The following SPOCK1 variants were observed in gnomAD, a reference collection of about 807,000 sequenced individuals.
SPOCK1 encodes testican-1.
In SPOCK1, 23 loss-of-function variants were observed where a neutral mutation model predicts 55.3. That is an observed-to-expected ratio of 0.42 (90% CI 0.30 to 0.59). SPOCK1 has a LOEUF of 0.59. SPOCK1 is among the 20% of genes least tolerant of loss of function. The probability of loss-of-function intolerance (pLI) is 0.22; values close to 1 mark genes in which losing one functional copy is unlikely to be tolerated. For missense variants in SPOCK1, 499 were observed against 552.5 expected (o/e 0.90, Z 0.97); for synonymous variants, 226 against 221.0 (o/e 1.02, Z -0.20).
At chr5:137,145,409 A>G (rs13188523) in intron 3 of SPOCK1, among the ~76,000 whole-genome samples, 35,107 of 152,162 alleles carry the variant, frequency 0.23, 4,450 homozygotes, top group Non-Finnish European at 0.28. Flanking sequence ...TCCTGAATCA[A>G]GCCTTTGCAC....
rs540462129 is a variant in SPOCK1, at chr5:137,018,711, T to C, written c.590-26111A>G. Among the ~76,000 whole-genome samples the C allele has an allele frequency of 1.1e-4, 16 of 152,332 alleles. No individual in the cohort carries two copies. The South Asian group carries it at 3.1e-3, about 30-fold the overall frequency. On this transcript the variant is annotated intron_variant, in intron 6 of 10. Coordinates refer to ENST00000394945, the MANE Select transcript of SPOCK1 (RefSeq NM_004598.4). ...ATACAAATGCATATTAGGATTTTTTTTGAGTATATATTTTACCTTGCCTGT... is the reference window on the plus strand; with the variant it reads ...ATACAAATGCATATTAGGATTTTTTCTGAGTATATATTTTACCTTGCCTGT...
At chr5:137,096,609 T>C (rs1176984130) in intron 5 of SPOCK1, among the ~76,000 whole-genome samples, 1 of 152,162 alleles carries the variant, frequency 6.6e-6, no homozygotes, top group Non-Finnish European at 1.5e-5. Context: ...TTGTGATACT[T>C]GAAAATGAAT....
intron 2 of SPOCK1, among the ~76,000 whole-genome samples, chr5:137,271,616 T>C (rs1756965887): frequency 6.7e-6 from 1 of 150,056 alleles, no homozygotes; most frequent in African/African-American, 2.5e-5. Flanking sequence ...TTTCTTTTAC[T>C]ATACCATAGC....
intron 2 of SPOCK1, among the ~76,000 whole-genome samples, chr5:137,291,202 A>C (rs1757363481): frequency 6.6e-6 from 1 of 152,202 alleles, no homozygotes; most frequent in African/African-American, 2.4e-5. Flanking sequence ...ATGCCAGCCC[A>C]GAAAAGAGCA....
At chr5:137,284,129 G>T (rs1757221119) in intron 2 of SPOCK1, among the ~76,000 whole-genome samples, 1 of 152,224 alleles carries the variant, frequency 6.6e-6, no homozygotes, top group African/African-American at 2.4e-5. Flanking sequence ...GCTCAGAGAA[G>T]TTAAGTAACC....
At chr5:137,493,945 C>T (rs1184515084) in intron 2 of SPOCK1, among the ~76,000 whole-genome samples, 1 of 152,106 alleles carries the variant, frequency 6.6e-6, no homozygotes, top group Non-Finnish European at 1.5e-5. Context: ...GCTACAAAGA[C>T]CACCAAATCC....
At chr5:137,498,316 A>T in intron 2 of SPOCK1, 57 bp downstream of exon 2, 1 of 1,454,668 alleles carries the variant, frequency 6.9e-7, no homozygotes, top group Non-Finnish European at 9.1e-7. Flanking sequence ...ACCCCGCTTC[A>T]GGGGTCCCCT....
intron 2 of SPOCK1, among the ~76,000 whole-genome samples, chr5:137,449,886 C>CAAAAAAAAAAAAAAAAA (rs562723108): frequency 1.7e-4 from 9 of 52,902 alleles, no homozygotes; most frequent in Middle Eastern, 0.016. Flanking sequence ...GATGCTGTCT[C>CAAAAAAAAAAAAAAAAA]AAAAAAAAAA....
chr5:137,215,791 G>A (rs182636825), intron 3 of SPOCK1, among the ~76,000 whole-genome samples: 1 of 152,246 alleles, frequency 6.6e-6, no homozygotes, highest in Non-Finnish European at 1.5e-5. Flanking sequence ...GTATCCTCAG[G>A]ATAACTGCAC....
At chr5:137,215,448 C>T (rs1171510779) in intron 3 of SPOCK1, among the ~76,000 whole-genome samples, 3 of 152,134 alleles carry the variant, frequency 2.0e-5, no homozygotes, top group African/African-American at 7.2e-5. Flanking sequence ...GGAAAAGCCA[C>T]AGCACCAAAA....
chr5:137,459,880 G>C (rs1020266514), intron 2 of SPOCK1, among the ~76,000 whole-genome samples: 1 of 152,154 alleles, frequency 6.6e-6, no homozygotes, highest in African/African-American at 2.4e-5. Context: ...GTTTGGAACT[G>C]GAAATTGAAG....
intron 2 of SPOCK1, among the ~76,000 whole-genome samples, chr5:137,267,801 C>T (rs1756888070): frequency 6.6e-6 from 1 of 152,214 alleles, no homozygotes; most frequent in African/African-American, 2.4e-5. Flanking sequence ...ACCATGTACT[C>T]CCTTTATTCT....
At chr5:137,079,769 C>T (rs900459801) in intron 5 of SPOCK1, among the ~76,000 whole-genome samples, 3 of 151,948 alleles carry the variant, frequency 2.0e-5, no homozygotes, top group Non-Finnish European at 4.4e-5. Flanking sequence ...ATCTGAATAC[C>T]TCTTTCTTTT....
chr5:137,498,302 C>CACA, intron 2 of SPOCK1, 71 bp downstream of exon 2: 5 of 1,286,244 alleles, frequency 3.9e-6, no homozygotes, highest in Non-Finnish European at 5.1e-6. Context: ...ACACACACAC[C>CACA]CCAACCCCGC....
chr5:136,997,666 C>T (rs76381563), intron 6 of SPOCK1, among the ~76,000 whole-genome samples: 7,137 of 152,332 alleles, frequency 0.047, 255 homozygotes, highest in Non-Finnish European at 0.074. Flanking sequence ...GAAACAAACA[C>T]CTCTTCCCAC....
chr5:137,151,649 C>G (rs1316209990), intron 3 of SPOCK1, among the ~76,000 whole-genome samples: 4 of 152,152 alleles, frequency 2.6e-5, no homozygotes, highest in Non-Finnish European at 5.9e-5. Context: ...TCTGACTAAT[C>G]AAAAATATAT....
chr5:137,163,292 T>C (rs1253114246), intron 3 of SPOCK1, among the ~76,000 whole-genome samples: 1 of 152,132 alleles, frequency 6.6e-6, no homozygotes, highest in Non-Finnish European at 1.5e-5. Flanking sequence ...CTCTTTCTAG[T>C]GATATAGGCA....
intron 5 of SPOCK1, among the ~76,000 whole-genome samples, chr5:137,075,987 G>A (rs1752750920): frequency 6.6e-6 from 1 of 152,240 alleles, no homozygotes; most frequent in Non-Finnish European, 1.5e-5. Context: ...GAATAGTGCA[G>A]ATGAGGAAGG....
intron 2 of SPOCK1, among the ~76,000 whole-genome samples, chr5:137,482,462 C>T (rs1753970084): frequency 6.6e-6 from 1 of 152,108 alleles, no homozygotes; most frequent in South Asian, 2.1e-4. Flanking sequence ...AGAAGATGCT[C>T]CCCCAGCACA....
Sources: gnomAD v4.1 joint callset for allele counts (sites outside exome capture counted in the v4.1 genomes callset) on GRCh38, gnomAD v4.1.1 for gene constraint, MANE v1.5 for transcripts, NCBI Gene and HGNC (gene_info 2026-07-23, HGNC 2026-07-21) for gene names.